The following UPF3B variants were observed in gnomAD, a reference collection of about 807,000 sequenced individuals.
UPF3B encodes UPF3B regulator of nonsense mediated mRNA decay.
Under a neutral mutation model 40.3 loss-of-function variants are expected in UPF3B, and 7 were observed. The ratio of observed to expected loss-of-function variants is 0.17; its 90% CI spans 0.10 to 0.33. The LOEUF (loss-of-function observed/expected upper bound fraction) is 0.33. UPF3B is among the 10% of genes least tolerant of loss of function. The pLI is 1.00. For missense variants in UPF3B, 229 were observed against 358.9 expected, an observed-to-expected ratio of 0.64 and a Z score of 2.93; for synonymous variants, 117 against 117.3, an observed-to-expected ratio of 1.00 and a Z score of 0.01.
intron 4 of UPF3B, 57 bp from the exon 5 acceptor site, chrX:119,843,358 A>T: frequency 2.5e-6 from 2 of 812,013 alleles, no homozygotes; most frequent in African/African-American, 4.0e-5. Flanking sequence ...AAAAAAGAAG[A>T]CATTATCTAC....
chrX:119,848,966 T>G (rs923357697), intron 3 of UPF3B, among the ~76,000 whole-genome samples: 4 of 111,904 alleles, frequency 3.6e-5, no homozygotes, highest in Non-Finnish European at 7.5e-5. Flanking sequence ...AATTTTATTA[T>G]AGGTGAGTTA....
At chrX:119,822,656 A>G (rs1354467554) in intron 4 of UPF3B, among the ~76,000 whole-genome samples, 7 of 111,072 alleles carry the variant, frequency 6.3e-5, no homozygotes, top group African/African-American at 2.3e-4. Context: ...CACCCAGGCT[A>G]GAGTGCAGTG....
intron 5 of UPF3B, among the ~76,000 whole-genome samples, chrX:119,812,265 A>G (rs1475043817): frequency 1.8e-5 from 2 of 111,001 alleles, no homozygotes; most frequent in Non-Finnish European, 3.8e-5. Context: ...AAAAAAAAGA[A>G]AAAAATCCAC....
chrX:119,828,284 T>C (rs956990577), intron 3 of UPF3B, among the ~76,000 whole-genome samples: 3 of 109,249 alleles, frequency 2.7e-5, no homozygotes, highest in African/African-American at 1.0e-4. Context: ...AGGCTGGTCT[T>C]GAACTCCTGA....
chrX:119,849,161 G>C (rs1249341627), intron 3 of UPF3B, among the ~76,000 whole-genome samples: 1 of 111,663 alleles, frequency 9.0e-6, no homozygotes, highest in Non-Finnish European at 1.9e-5. Flanking sequence ...AATTATGTTG[G>C]GAATCCCAGT....
At chrX:119,821,215 C>T (rs1427457930) in intron 4 of UPF3B, among the ~76,000 whole-genome samples, 2 of 111,926 alleles carry the variant, frequency 1.8e-5, no homozygotes, top group Non-Finnish European at 3.8e-5. Context: ...CACTTTCCGC[C>T]ATGAGTAAAA....
At chrX:119,826,547 A>C (rs2055980996) in intron 3 of UPF3B, among the ~76,000 whole-genome samples, 2 of 112,061 alleles carry the variant, frequency 1.8e-5, no homozygotes, top group Non-Finnish European at 3.8e-5. Context: ...TTCAGCTTAC[A>C]CAATTCTGAC....
intron 5 of UPF3B, among the ~76,000 whole-genome samples, chrX:119,811,956 G>GA (rs554554860): frequency 2.5e-4 from 25 of 100,484 alleles, no homozygotes; most frequent in African/African-American, 7.2e-4. Context: ...TACCTCAAAA[G>GA]AAAAAAAAAA....
At chrX:119,842,656 CA>C (rs200315909) in intron 5 of UPF3B, among the ~76,000 whole-genome samples, 1 of 104,338 alleles carries the variant, frequency 9.6e-6, no homozygotes. Context: ...AGCAAGCAAG[CA>C]AAAAAAACAA....
intron 5 of UPF3B, among the ~76,000 whole-genome samples, chrX:119,808,904 T>C (rs1193364463): frequency 3.6e-5 from 4 of 112,443 alleles, no homozygotes; most frequent in Non-Finnish European, 5.6e-5. Context: ...TTTAGAGCTT[T>C]CCTTTTGGCT....
At chrX:119,833,953 T>C (rs1481822004), downstream of UPF3B, 4 of 670,267 alleles carry the variant, frequency 6.0e-6, no homozygotes, top group Non-Finnish European at 5.3e-6. Flanking sequence ...AGGTGAGTGA[T>C]GTCAGATGTC....
chrX:119,843,523 G>C lies in UPF3B; in HGVS notation c.470-222C>G, dbSNP rs908673308. Among the ~76,000 whole-genome samples, 4 of 111,819 alleles carry C rather than the reference G, an allele frequency of 3.6e-5. No individual in the cohort carries two copies. In the East Asian group the frequency reaches 8.4e-4, roughly 23 times the overall value. On this transcript the variant is annotated intron_variant, in intron 4 of 10. Transcript: ENST00000276201. The stretch of plus-strand genomic sequence containing the variant: ...CACTATAGGAATCTGGTATAACATG[G>C]GGTCAGGAAAAATGAGACGCCATGC...
chrX:119,814,870 T>C (rs1230712013), intron 5 of UPF3B, among the ~76,000 whole-genome samples: 1 of 83,944 alleles, frequency 1.2e-5, no homozygotes, highest in African/African-American at 5.4e-5. Flanking sequence ...TTTTTTTTTT[T>C]TTTTTTTTTT....
chrX:119,807,326 A>G (rs2055800988), intron 6 of UPF3B: 3 of 801,478 alleles, frequency 3.7e-6, no homozygotes, highest in South Asian at 4.7e-5. Context: ...CACCAGCACA[A>G]CCACCCCCTT....
intron 1 of UPF3B, 32 bp from the exon 2 acceptor site, chrX:119,851,905 T>A: frequency 1.0e-6 from 1 of 997,952 alleles, no homozygotes; most frequent in South Asian, 2.0e-5. Flanking sequence ...ATAAAATTAG[T>A]ACAAATCAGT....
chrX:119,834,396 AG>A lies in UPF3B; in HGVS notation c.*481del, dbSNP rs2056069019. On this transcript the variant is annotated 3_prime_UTR_variant, in exon 11 of 11. Transcript: ENST00000276201. ...TATCCTTCACTGTACCTGTACTACA[AG>A]GACATGCTTGTTGCTTCTACACTAC... 1.3e-6 allele frequency: 1 copy of A among 787,120 alleles called. No individual in the cohort carries two copies. Among genetic ancestry groups the A allele is most frequent in the East Asian group, 1.1e-4 (1 of 8,723 alleles). The allele number at this position is 787,120 out of a possible 1,213,427, so 64.9% of individuals were successfully genotyped here.
In UPF3B at chrX:119,850,064, G is replaced by A. The variant is rs1005282346; in HGVS notation, c.370+1431C>T. On this transcript the variant is annotated intron_variant, in intron 3 of 10. Transcript: ENST00000276201. Reference sequence around the variant, plus strand: ...CAGCACTTTGGGAGGCTGAGGTGGGGGGGGGGAAATCACTTGAGCCCAGGA... The same window carrying A: ...CAGCACTTTGGGAGGCTGAGGTGGGAGGGGGGAAATCACTTGAGCCCAGGA... 2.9e-5 allele frequency among the ~76,000 whole-genome samples: 3 copies of A among 102,522 alleles called. No individual in the cohort carries two copies. In the Admixed American group the frequency reaches 3.1e-4, roughly 10 times the overall value. The allele number at this position is 102,522 out of a possible 115,157, so 89.0% of individuals were successfully genotyped here. A position where few individuals can be genotyped will look rare whatever the true frequency, so the allele number is the denominator to read the frequency against.
At chrX:119,829,848 G>A (rs2428224), downstream of UPF3B, among the ~76,000 whole-genome samples, 1,471 of 111,510 alleles carry the variant, frequency 0.013, 15 homozygotes, top group African/African-American at 0.046. Context: ...ACCCCTCACT[G>A]TAACATGGTT....
intron 7 of UPF3B, 122 bp from the exon 8 acceptor site, chrX:119,840,806 G>C (rs1373939782): frequency 1.5e-5 from 11 of 719,348 alleles, no homozygotes; most frequent in Non-Finnish European, 1.3e-5. Context: ...TGAATTTAGA[G>C]GACAATAGTC....
Sources: gnomAD v4.1 joint callset for allele counts (sites outside exome capture counted in the v4.1 genomes callset) on GRCh38, gnomAD v4.1.1 for gene constraint, MANE v1.5 for transcripts, NCBI Gene and HGNC (gene_info 2026-07-23, HGNC 2026-07-21) for gene names.